ZNF292: variants seen among roughly 807,000 people sequenced by gnomAD.
The protein encoded by ZNF292 is 16 zinc-finger domain protein.
In ZNF292, 26 loss-of-function variants were observed where a neutral mutation model predicts 217.9. That is an observed-to-expected ratio of 0.12 (90% confidence interval 0.09 to 0.17). ZNF292 has a LOEUF of 0.17. ZNF292 is among the 10% of genes least tolerant of loss of function. ZNF292 has a pLI of 1.00. For missense variants in ZNF292, 2,904 were observed against 3,175.2 expected, an observed-to-expected ratio of 0.91 and a Z score of 2.05; for synonymous variants, 1,257 against 1,124.1, an observed-to-expected ratio of 1.12 and a Z score of -2.37.
At chr6:87,236,549 G>A (rs1041112683) in intron 5 of ZNF292, among the ~76,000 whole-genome samples, 7 of 152,056 alleles carry the variant, frequency 4.6e-5, no homozygotes, top group African/African-American at 1.4e-4. Flanking sequence ...AGTTAGCAGT[G>A]TCTAGTTTAG....
chr6:87,238,315 C>G (rs887684235), intron 5 of ZNF292, among the ~76,000 whole-genome samples: 2 of 151,710 alleles, frequency 1.3e-5, no homozygotes, highest in African/African-American at 2.4e-5. Context: ...GGTGAAACCC[C>G]GTCTCTACGA....
chr6:87,197,043 A>G (rs1327144981), intron 1 of ZNF292, among the ~76,000 whole-genome samples: 1 of 151,398 alleles, frequency 6.6e-6, no homozygotes, highest in Non-Finnish European at 1.5e-5. Context: ...AGACAAAACA[A>G]ATCCAAATGT....
intron 1 of ZNF292, among the ~76,000 whole-genome samples, chr6:87,201,848 T>A (rs977534943): frequency 5.3e-5 from 8 of 152,264 alleles, no homozygotes; most frequent in Non-Finnish European, 1.2e-4. Context: ...AGTCTGTACT[T>A]TCCTCACTGG....
At chr6:87,239,161 C>T (rs1157125578) in intron 5 of ZNF292, among the ~76,000 whole-genome samples, 11 of 152,396 alleles carry the variant, frequency 7.2e-5, no homozygotes, top group Non-Finnish European at 1.2e-4. Flanking sequence ...AAACCGCCAT[C>T]GTCATCATGG....
chr6:87,157,084 CT>C (rs1277799392), intron 1 of ZNF292, among the ~76,000 whole-genome samples: 2 of 152,096 alleles, frequency 1.3e-5, no homozygotes, highest in African/African-American at 4.8e-5. Context: ...GAAATATTTT[CT>C]TTATTATGTC....
At position 87,258,106 on chromosome 6, in the gene ZNF292, G is replaced by C. The variant is rs1225824581; in HGVS notation, c.4477G>C (p.Ala1493Pro). The C allele has an allele frequency of 1.2e-6, 2 of 1,612,942 alleles. No homozygotes were observed. Among genetic ancestry groups the C allele is most frequent in the Non-Finnish European group, 1.7e-6 (2 of 1,179,450 alleles). Residue 1493 changes from alanine (A) to proline (P), a missense_variant, in exon 8 of 8, where the codon GCT (alanine) becomes CCT (proline). By Grantham distance (27) the Ala-to-Pro change is conservative. Transcript: ENST00000369577. ...AGAAGGTAGTGAAATTATTAAACAG[G>C]CTTTGGAAACTGCTGGCATTCCCAG... is the stretch of plus-strand genomic sequence containing the variant. ...SQEGSEIIKQ[A>P]LETAGIPSTF...
chr6:87,254,647 C>T lies in ZNF292; in HGVS notation c.1021-3C>T. On this transcript the variant is annotated splice_polypyrimidine_tract_variant and splice_region_variant and intron_variant, in intron 7 of 7. Transcript: ENST00000369577. ...TTAACATTTCCTATTTGCTTTTTCA[C>T]AGACTGAAGGGGCTGGACTTGCTAC... The T allele has an allele frequency of 1.9e-6, 3 of 1,576,356 alleles. No individual in the cohort carries two copies. Among genetic ancestry groups the T allele is most frequent in the South Asian group, 2.3e-5 (2 of 86,648 alleles).
intron 1 of ZNF292, among the ~76,000 whole-genome samples, chr6:87,179,668 A>G (rs575975067): frequency 9.2e-5 from 14 of 152,174 alleles, no homozygotes; most frequent in Non-Finnish European, 2.1e-4. Context: ...AAGTCTGTTT[A>G]TGATGTAATT....
At chr6:87,187,203 T>C (rs1277068391) in intron 1 of ZNF292, among the ~76,000 whole-genome samples, 1 of 152,226 alleles carries the variant, frequency 6.6e-6, no homozygotes, top group Admixed American at 6.5e-5. Flanking sequence ...TAAATGTATA[T>C]TAAGTACTAT....
At chr6:87,213,491 A>G (rs1772593568) in intron 1 of ZNF292, among the ~76,000 whole-genome samples, 1 of 152,112 alleles carries the variant, frequency 6.6e-6, no homozygotes, top group African/African-American at 2.4e-5. Flanking sequence ...CGCACAGTCT[A>G]AGCTAATTCC....
chr6:87,258,199 A>G lies in ZNF292; in HGVS notation c.4570A>G (p.Asn1524Asp). 1 of 1,611,692 alleles carries G rather than the reference A, an allele frequency of 6.2e-7. No homozygotes were observed. Among genetic ancestry groups the G allele is most frequent in the Non-Finnish European group, 8.5e-7 (1 of 1,179,028 alleles). Residue 1524 changes from asparagine (N) to aspartate (D), a missense_variant, in exon 8 of 8, where the codon AAT (asparagine) becomes GAT (aspartate). Transcript: ENST00000369577. ...TGCVSDASQV[N>D]ATVMPNPTVP... ...TTGTGTCTCTGATGCATCACAAGTA[A>G]ATGCAACGGTGATGCCAAATCCAAC...
At chr6:87,215,294 TAA>T (rs146379041) in intron 1 of ZNF292, among the ~76,000 whole-genome samples, 1 of 152,086 alleles carries the variant, frequency 6.6e-6, no homozygotes, top group African/African-American at 2.4e-5. Context: ...TATTTTTAAT[TAA>T]AAAAACACTA....
At chr6:87,158,312 G>A (rs1348161178) in intron 1 of ZNF292, among the ~76,000 whole-genome samples, 1 of 152,012 alleles carries the variant, frequency 6.6e-6, no homozygotes, top group Admixed American at 6.5e-5. Flanking sequence ...TTTTTGTTTT[G>A]TTTCTCAGGT....
In ZNF292 at chr6:87,258,600, C is replaced by T. The variant is rs1430396673; in HGVS notation, c.4971C>T (p.Leu1657=). The T allele has an allele frequency of 4.3e-6, 7 of 1,613,690 alleles. No individual in the cohort carries two copies. The highest frequency in any genetic ancestry group is 2.2e-5 in the South Asian group (2 of 91,064). ...LVTSDLTTMG[L]IAKSVEIPTT... The stretch of plus-strand genomic sequence containing the variant: ...CAAGTGACTTAACAACAATGGGACT[C>T]ATAGCAAAGAGTGTTGAAATCCCAA... Residue 1657 remains leucine, a synonymous_variant, in exon 8 of 8, where the codon CTC becomes CTT. Transcript: ENST00000369577.
chr6:87,240,793 G>T (rs1051750406), intron 5 of ZNF292, among the ~76,000 whole-genome samples: 9 of 152,066 alleles, frequency 5.9e-5, no homozygotes, highest in African/African-American at 2.2e-4. Flanking sequence ...CAAGAAATAC[G>T]GATTTTTATT....
chr6:87,207,795 A>T (rs1282795674), intron 1 of ZNF292, among the ~76,000 whole-genome samples: 1 of 152,104 alleles, frequency 6.6e-6, no homozygotes, highest in Admixed American at 6.6e-5. Context: ...TTATCTATCA[A>T]TTTCATCTTG....
At position 87,255,643 on chromosome 6, in the gene ZNF292, G is replaced by A. The variant is rs1421802607; in HGVS notation, c.2014G>A (p.Val672Ile). The A allele has an allele frequency of 1.2e-6, 2 of 1,612,972 alleles. No individual in the cohort carries two copies. The highest frequency in any genetic ancestry group is 1.7e-6 in the Non-Finnish European group (2 of 1,179,396). Residue 672 changes from valine (V) to isoleucine (I), a missense_variant, in exon 8 of 8, where the codon GTC (valine) becomes ATC (isoleucine). This residue lies in a region of ZNF292 where 216 missense variants were observed against 308.3 expected (regional missense o/e 0.70). Coordinates refer to ENST00000369577, the MANE Select transcript of ZNF292 (RefSeq NM_015021.3). The stretch of plus-strand genomic sequence containing the variant: ...ATCCTATGAGCCAGAAGTGATTCCA[G>A]TCCAGAAACCAGTACCTGTTAATGA... Reference protein sequence around the residue: ...DKSYEPEVIPVQKPVPVNEFN... With the variant: ...DKSYEPEVIPIQKPVPVNEFN...
intron 1 of ZNF292, among the ~76,000 whole-genome samples, chr6:87,192,507 G>A (rs4707345): frequency 0.38 from 57,020 of 151,692 alleles, 11,227 homozygotes; most frequent in Admixed American, 0.52. Flanking sequence ...ACGATTTTAC[G>A]TTTTTTATCA....
intron 1 of ZNF292, among the ~76,000 whole-genome samples, chr6:87,159,364 A>G (rs552586204): frequency 1.3e-5 from 2 of 151,776 alleles, no homozygotes; most frequent in South Asian, 2.1e-4. Context: ...ATAAATTTTA[A>G]ATTTTTTTAT....
Sources: allele counts gnomAD v4.1 joint callset (sites outside exome capture counted in the v4.1 genomes callset), GRCh38; gene constraint gnomAD v4.1.1; regional missense constraint gnomAD v4.1.1; transcripts MANE v1.5; gene names NCBI Gene and HGNC (gene_info 2026-07-23, HGNC 2026-07-21).